The following NFE2L2 variants were observed in gnomAD, a reference collection of about 807,000 sequenced individuals.
NFE2L2 encodes the protein NFE2 like bZIP transcription factor 2, also known as nuclear factor erythroid 2-related factor 2.
NFE2L2 carries 20 observed loss-of-function variants against 49.6 expected under a neutral mutation model. The observed-to-expected ratio is 0.40, with a 90% CI of 0.28 to 0.59. The LOEUF is 0.59. Among genes scored for constraint, NFE2L2 ranks in the 20% least tolerant of loss-of-function variants. NFE2L2 has a pLI of 0.40. For synonymous variants in NFE2L2, 244 were observed against 256.5 expected (o/e 0.95, Z 0.47); for missense variants, 578 against 714.2 (o/e 0.81, Z 2.17).
intron 1 of NFE2L2, among the ~76,000 whole-genome samples, chr2:177,247,512 T>G (rs1038316303): frequency 2.6e-5 from 4 of 151,550 alleles, no homozygotes; most frequent in African/African-American, 9.7e-5. Flanking sequence ...ATACAAAAAA[T>G]TAGCCGGGCG....
At chr2:177,239,161 A>C (rs1302633306) in intron 1 of NFE2L2, among the ~76,000 whole-genome samples, 1 of 152,206 alleles carries the variant, frequency 6.6e-6, no homozygotes, top group Non-Finnish European at 1.5e-5. Context: ...ATGAAGCATT[A>C]TTTAGACTAG....
In NFE2L2 at chr2:177,233,290, T is replaced by C. The variant is rs779232695; in HGVS notation, c.362A>G (p.Gln121Arg). ...AAACGGGAATGTCTGCGCCAAAAGC[T>C]GCATGCAGTCATCAAAGTACAAAGC... ...SDALYFDDCM[Q>R]LLAQTFPFVD... Residue 121 changes from glutamine to arginine, a missense_variant, in exon 3 of 5, where the codon CAG becomes CGG. This residue lies in a region of NFE2L2 where 93 missense variants were observed against 153.9 expected (regional missense o/e 0.60). Coordinates refer to ENST00000397062, the MANE Select transcript of NFE2L2 (RefSeq NM_006164.5). 1 of 1,609,456 alleles carries C rather than the reference T, an allele frequency of 6.2e-7. No individual in the cohort carries two copies. The highest frequency in any genetic ancestry group is 1.1e-5 in the South Asian group (1 of 90,088).
chr2:177,240,834 G>A (rs1689917528), intron 1 of NFE2L2, among the ~76,000 whole-genome samples: 1 of 152,166 alleles, frequency 6.6e-6, no homozygotes. Context: ...ATCATGCTTA[G>A]ATGATCCAAA....
chr2:177,238,483 A>T (rs1689832013), intron 1 of NFE2L2, among the ~76,000 whole-genome samples: 1 of 152,218 alleles, frequency 6.6e-6, no homozygotes, highest in South Asian at 2.1e-4. Context: ...TTGTTTAATT[A>T]TTCCATCCTA....
chr2:177,259,159 G>A (rs559076960), intron 1 of NFE2L2, among the ~76,000 whole-genome samples: 20 of 152,076 alleles, frequency 1.3e-4, no homozygotes, highest in South Asian at 6.2e-4. Context: ...AAAATTAACC[G>A]GGCGTGGCGG....
At chr2:177,254,760 G>A (rs544610482) in intron 1 of NFE2L2, among the ~76,000 whole-genome samples, 1 of 152,338 alleles carries the variant, frequency 6.6e-6, no homozygotes, top group Non-Finnish European at 1.5e-5. Context: ...AGAAAGAAGA[G>A]AGGGAAGGAG....
At chr2:177,259,482 C>A (rs760769381) in intron 1 of NFE2L2, among the ~76,000 whole-genome samples, 2 of 152,148 alleles carry the variant, frequency 1.3e-5, no homozygotes, top group African/African-American at 2.4e-5. Context: ...AATGATTAAA[C>A]GTGCCTCCCC....
chr2:177,261,818 G>C (rs2364723), intron 1 of NFE2L2, among the ~76,000 whole-genome samples: 45,626 of 151,994 alleles, frequency 0.3, 7,570 homozygotes, highest in East Asian at 0.53. Context: ...GAACAGTTAA[G>C]GAGGAAATAT....
At chr2:177,251,955 G>C (rs1430649313) in intron 1 of NFE2L2, among the ~76,000 whole-genome samples, 1 of 138,846 alleles carries the variant, frequency 7.2e-6, no homozygotes, top group African/African-American at 2.7e-5. Context: ...GCAGTGAGCC[G>C]AGATCACACC....
At chr2:177,261,865 C>A (rs1690755874) in intron 1 of NFE2L2, among the ~76,000 whole-genome samples, 1 of 151,836 alleles carries the variant, frequency 6.6e-6, no homozygotes, top group African/African-American at 2.4e-5. Flanking sequence ...TCAGTCAGGA[C>A]AGAGGAAATT....
chr2:177,234,203 G>A lies in NFE2L2; in HGVS notation c.114C>T (p.Asp38=). Residue 38 remains aspartate (D), a synonymous_variant, in exon 2 of 5, where the codon GAC becomes GAT. Coordinates refer to ENST00000397062, the MANE Select transcript of NFE2L2 (RefSeq NM_006164.5). ...IDLGVSREVF[D]FSQRRKEYEL... Reference sequence around the variant, plus strand: ...CATACTCTTTCCGTCGCTGACTGAAGTCAAATACTTCTCGACTTACTCCAA... The same window carrying A: ...CATACTCTTTCCGTCGCTGACTGAAATCAAATACTTCTCGACTTACTCCAA... 1 of 1,614,046 alleles carries A rather than the reference G, an allele frequency of 6.2e-7. No homozygotes were observed. The highest frequency in any genetic ancestry group is 1.1e-5 in the South Asian group (1 of 91,072).
intron 2 of NFE2L2, chr2:177,233,596 G>T: frequency 1.9e-6 from 1 of 520,088 alleles, no homozygotes; most frequent in South Asian, 2.5e-5. Context: ...GATAAAACAG[G>T]GATAATGGTA....
Position 177,232,586 on chromosome 2 carries a change from A to G in NFE2L2, c.403-3T>C. ...GACTGAAACGTAGCCGAAGAAACCT[A>G]AAATTGATAAGGCATTGATTTATGA... On this transcript the variant is annotated splice_polypyrimidine_tract_variant and splice_region_variant and intron_variant, in intron 3 of 4. Transcript: ENST00000397062. 6.2e-7 allele frequency: 1 copy of G among 1,613,486 alleles called. No individual in the cohort carries two copies. The highest frequency in any genetic ancestry group is 8.5e-7 in the Non-Finnish European group (1 of 1,179,496).
chr2:177,242,891 G>C (rs554280203), intron 1 of NFE2L2, among the ~76,000 whole-genome samples: 2 of 151,828 alleles, frequency 1.3e-5, no homozygotes, highest in African/African-American at 4.8e-5. Flanking sequence ...AGTCCCCAAG[G>C]AGGTTTTGTT....
In NFE2L2 at chr2:177,230,724, A is replaced by C; in HGVS notation, c.*61T>G. On this transcript the variant is annotated 3_prime_UTR_variant, in exon 5 of 5. Transcript: ENST00000397062. ...AAGTATGAGCATTTCACATCACAGT[A>C]GGAGCTTTTAGTATAATAGTACAAA... 4.7e-6 allele frequency: 7 copies of C among 1,496,332 alleles called. No individual in the cohort carries two copies. The highest frequency in any genetic ancestry group is 2.5e-5 in the Admixed American group (1 of 40,462). The allele number at this position is 1,496,332 out of a possible 1,614,324, so 92.7% of individuals were successfully genotyped here. A position where few individuals can be genotyped will look rare whatever the true frequency, so the allele number is the denominator to read the frequency against.
At position 177,231,538 on chromosome 2, in the gene NFE2L2, T is replaced by C. The variant is rs1232393614; in HGVS notation, c.1065A>G (p.Ala355=). ...GISLNTSPSV[A]SPEHSVESSS... ...AAGATTCCACTGAGTGTTCTGGTGATGCCACACTGGGACTTGTGTTTAGTG... is the reference window on the plus strand; with the variant it reads ...AAGATTCCACTGAGTGTTCTGGTGACGCCACACTGGGACTTGTGTTTAGTG... Residue 355 remains alanine, a synonymous_variant, in exon 5 of 5, where the codon GCA becomes GCG. Transcript: ENST00000397062. 1.9e-6 allele frequency: 3 copies of C among 1,614,246 alleles called. No homozygotes were observed. Among genetic ancestry groups the C allele is most frequent in the Non-Finnish European group, 2.5e-6 (3 of 1,180,028 alleles).
chr2:177,231,809 T>C lies in NFE2L2; in HGVS notation c.794A>G (p.Gln265Arg). Residue 265 changes from glutamine (Q) to arginine (R), a missense_variant, in exon 5 of 5, where the codon CAG (glutamine) becomes CGG (arginine). This residue lies in a region of NFE2L2 where 368 missense variants were observed against 384.6 expected (regional missense o/e 0.96). Coordinates refer to ENST00000397062, the MANE Select transcript of NFE2L2 (RefSeq NM_006164.5). The part of the protein sequence containing the change: ...SSILSTEDPN[Q>R]LTVNSLNSDA... ...TGAATTTAATGAGTTCACTGTCAACTGGTTGGGGTCTTCTGTGGAGAGGAT... is the reference window on the plus strand; with the variant it reads ...TGAATTTAATGAGTTCACTGTCAACCGGTTGGGGTCTTCTGTGGAGAGGAT... 1 of 1,614,234 alleles carries C rather than the reference T, an allele frequency of 6.2e-7. No homozygotes were observed. Among genetic ancestry groups the C allele is most frequent in the South Asian group, 1.1e-5 (1 of 91,086 alleles).
chr2:177,245,218 T>C (rs913455320), intron 1 of NFE2L2, among the ~76,000 whole-genome samples: 2 of 151,978 alleles, frequency 1.3e-5, no homozygotes, highest in Admixed American at 1.3e-4. Context: ...AGATGGGAAT[T>C]ACTGTTAATG....
intron 1 of NFE2L2, chr2:177,263,893 A>C (rs1690838494): frequency 1.0e-6 from 1 of 985,362 alleles, no homozygotes. Flanking sequence ...TGGGCTTTCA[A>C]GAGAGCTCAA....
Sources: allele counts gnomAD v4.1 joint callset (sites outside exome capture counted in the v4.1 genomes callset), GRCh38; gene constraint gnomAD v4.1.1; regional missense constraint gnomAD v4.1.1; transcripts MANE v1.5; gene names NCBI Gene and HGNC (gene_info 2026-07-23, HGNC 2026-07-21).